ATP11A: variants seen among roughly 807,000 people sequenced by gnomAD.
ATP11A encodes ATPase phospholipid transporting 11A.
In ATP11A, 81 loss-of-function variants were observed where a neutral mutation model predicts 154.4. The observed-to-expected ratio is 0.52, with a 90% CI of 0.44 to 0.63. The LOEUF (loss-of-function observed/expected upper bound fraction) is 0.63. Ranked by LOEUF, ATP11A falls within the 30% of genes least tolerant of loss-of-function variation. ATP11A has a pLI of 0.00. For missense variants in ATP11A, 1,316 were observed against 1,474.3 expected, an observed-to-expected ratio of 0.89 and a Z score of 1.76; for synonymous variants, 623 against 585.9, an observed-to-expected ratio of 1.06 and a Z score of -0.91.
chr13:112,806,951 A>C (rs2078339483), intron 4 of ATP11A, among the ~76,000 whole-genome samples: 1 of 152,158 alleles, frequency 6.6e-6, no homozygotes, highest in African/African-American at 2.4e-5. Context: ...TCTGCATCTG[A>C]GCAGGCGTCA....
intron 28 of ATP11A, chr13:112,876,232 T>C: frequency 4.0e-6 from 1 of 252,090 alleles, no homozygotes; most frequent in East Asian, 7.9e-5. Flanking sequence ...GAAACCTTTT[T>C]TAAAATTAAT....
chr13:112,818,155 G>A (rs75900412), intron 6 of ATP11A, among the ~76,000 whole-genome samples: 13,481 of 149,582 alleles, frequency 0.09, 809 homozygotes, highest in African/African-American at 0.17. Flanking sequence ...CGGTGACCGT[G>A]TGTGCGCTTG....
chr13:112,831,666 G>A, intron 13 of ATP11A, 118 bp downstream of exon 13: 1 of 1,187,308 alleles, frequency 8.4e-7, no homozygotes, highest in Non-Finnish European at 1.2e-6. Context: ...ACGGACTTCA[G>A]TGGGAGGGAT....
At chr13:112,846,503 G>A (rs1566565998) in intron 17 of ATP11A, among the ~76,000 whole-genome samples, 2 of 152,274 alleles carry the variant, frequency 1.3e-5, no homozygotes, top group African/African-American at 2.4e-5. Context: ...TACTTAACAT[G>A]GGGCGTGTGT....
chr13:112,757,747 TA>T (rs1313885712), intron 1 of ATP11A, among the ~76,000 whole-genome samples: 1 of 152,242 alleles, frequency 6.6e-6, no homozygotes, highest in African/African-American at 2.4e-5. Flanking sequence ...TAAGTTGTAT[TA>T]AAAAGAAAAG....
chr13:112,735,026 G>T (rs767385712), intron 1 of ATP11A, among the ~76,000 whole-genome samples: 5 of 152,106 alleles, frequency 3.3e-5, no homozygotes, highest in African/African-American at 7.2e-5. Flanking sequence ...ACATAAAAGA[G>T]GACTTTTTTT....
At position 112,813,469 on chromosome 13, in the gene ATP11A, G is replaced by A. The variant is rs573513715; in HGVS notation, c.442-2614G>A. ...TCCTTCCCTTGTATTGCTAAGGAGC[G>A]TTCCATGATGGGGGCGTACTGCAGT... On this transcript the variant is annotated intron_variant, in intron 5 of 29. Transcript: ENST00000375645. 4.6e-5 allele frequency among the ~76,000 whole-genome samples: 7 copies of A among 152,314 alleles called. No individual in the cohort carries two copies. In the South Asian group the frequency reaches 1.2e-3, roughly 27 times the overall value.
rs768226139 is a variant in ATP11A, at chr13:112,700,029, CAT to C, written c.39+9575_39+9576del. ...AGGGCTGCCAATTTTTGTCACATCT[CAT>C]GTGACAAAGGTAATTTTTTTTTTTT... On this transcript the variant is annotated intron_variant, in intron 1 of 29. Coordinates refer to ENST00000375645, the MANE Select transcript of ATP11A (RefSeq NM_015205.3). 2.2e-4 allele frequency among the ~76,000 whole-genome samples: 32 copies of C among 145,364 alleles called. 2 individuals carry two copies. The East Asian group carries it at 3.7e-3, about 17-fold the overall frequency.
intron 1 of ATP11A, among the ~76,000 whole-genome samples, chr13:112,712,375 G>A (rs1193025684): frequency 1.3e-5 from 2 of 152,190 alleles, no homozygotes; most frequent in Non-Finnish European, 2.9e-5. Flanking sequence ...GAGCTAGGTG[G>A]TGTCATTTAA....
chr13:112,719,209 G>A (rs1888865207), intron 1 of ATP11A, among the ~76,000 whole-genome samples: 1 of 152,188 alleles, frequency 6.6e-6, no homozygotes, highest in Non-Finnish European at 1.5e-5. Flanking sequence ...ATAGTCAGGG[G>A]CCCTCAGGAT....
chr13:112,731,613 G>A (rs1890487878), intron 1 of ATP11A, among the ~76,000 whole-genome samples: 1 of 152,124 alleles, frequency 6.6e-6, no homozygotes, highest in South Asian at 2.1e-4. Flanking sequence ...ATTGCCTATC[G>A]ATGGCCCAGC....
chr13:112,800,241 T>C lies in ATP11A; in HGVS notation c.163-4716T>C, dbSNP rs564708855. ...GAAAAAAAAAAATCAATAAAATCAA[T>C]AAAACTTTAGCCAGGCTAAACAAGA... On this transcript the variant is annotated intron_variant, in intron 2 of 29. Coordinates refer to ENST00000375645, the MANE Select transcript of ATP11A (RefSeq NM_015205.3). 4.2e-4 allele frequency among the ~76,000 whole-genome samples: 63 copies of C among 149,772 alleles called. 1 individual carries two copies. The highest frequency in any genetic ancestry group is 1.4e-3 in the African/African-American group (57 of 40,616).
intron 1 of ATP11A, among the ~76,000 whole-genome samples, chr13:112,742,341 T>C (rs1891650678): frequency 6.6e-6 from 1 of 151,998 alleles, no homozygotes; most frequent in Non-Finnish European, 1.5e-5. Context: ...GAGTTGCGCC[T>C]GAGACACTAG....
chr13:112,784,675 A>T (rs1174559208), intron 1 of ATP11A, among the ~76,000 whole-genome samples: 2 of 151,684 alleles, frequency 1.3e-5, no homozygotes, highest in Non-Finnish European at 1.5e-5. Context: ...GGCGCCCACC[A>T]CCACACCCGG....
intron 1 of ATP11A, among the ~76,000 whole-genome samples, chr13:112,744,865 C>T (rs182212381): frequency 1.3e-5 from 2 of 152,292 alleles, no homozygotes; most frequent in African/African-American, 2.4e-5. Flanking sequence ...TCAATTTCTT[C>T]AACTGGGAAA....
At chr13:112,750,640 T>TTGAATCCCCCTTCAGCCTCTCG (rs1287701190) in intron 1 of ATP11A, among the ~76,000 whole-genome samples, 1 of 152,114 alleles carries the variant, frequency 6.6e-6, no homozygotes, top group Non-Finnish European at 1.5e-5. Context: ...GGACGCGGGG[T>TTGAATCCCCCTTCAGCCTCTCG]TGAATCCCCC....
Position 112,819,926 on chromosome 13 carries a change from G to C in ATP11A, c.701G>C (p.Ser234Thr). ...TTCGTGGGTCGCATCAACGTTTACA[G>C]TGACCTGAATGACCCCGTGGTGAGG... ...YKFVGRINVY[S>T]DLNDPVVRPL... Residue 234 changes from serine to threonine, a missense_variant, in exon 8 of 30, where the codon AGT becomes ACT. Coordinates refer to ENST00000375645, the MANE Select transcript of ATP11A (RefSeq NM_015205.3). 1 of 1,613,372 alleles carries C rather than the reference G, an allele frequency of 6.2e-7. No individual in the cohort carries two copies. The highest frequency in any genetic ancestry group is 8.5e-7 in the Non-Finnish European group (1 of 1,179,626).
At chr13:112,709,573 T>G (rs1053167150) in intron 1 of ATP11A, among the ~76,000 whole-genome samples, 1 of 152,198 alleles carries the variant, frequency 6.6e-6, no homozygotes, top group East Asian at 1.9e-4. Context: ...TCCTTTATCT[T>G]AACCTGAACA....
In ATP11A at chr13:112,882,752, C is replaced by T. The variant is rs982863619; in HGVS notation, c.*886C>T. On this transcript the variant is annotated 3_prime_UTR_variant, in exon 30 of 30. Coordinates refer to ENST00000375645, the MANE Select transcript of ATP11A (RefSeq NM_015205.3). This position sits in a 1 kb window ranked among gnomAD's most constrained non-coding sequence, Gnocchi z 5.1. Reference sequence around the variant, plus strand: ...TCAGCCACTCGCCAGGGCACGGAGCCGTCAGTCCACTGTTACGGGAGAATG... The same window carrying T: ...TCAGCCACTCGCCAGGGCACGGAGCTGTCAGTCCACTGTTACGGGAGAATG... The T allele has an allele frequency of 1.5e-5, 6 of 399,712 alleles. No individual in the cohort carries two copies. Among genetic ancestry groups the T allele is most frequent in the East Asian group, 7.1e-5 (2 of 28,072 alleles). 24.8% of individuals were successfully genotyped at this position (399,712 alleles called of 1,614,324 possible).
Sources: allele counts gnomAD v4.1 joint callset (sites outside exome capture counted in the v4.1 genomes callset), GRCh38; gene constraint gnomAD v4.1.1; non-coding constraint Gnocchi (gnomAD v3.1); transcripts MANE v1.5; gene names NCBI Gene and HGNC (gene_info 2026-07-23, HGNC 2026-07-21).